Variants in NAV3 observed in about 807,000 individuals in gnomAD.
NAV3 encodes neuron navigator 3, also known as pore membrane and/or filament interacting like protein 1.
NAV3 carries 87 observed loss-of-function variants against 244.7 expected under a neutral mutation model. That is an observed-to-expected ratio of 0.36 (90% CI 0.30 to 0.42). The LOEUF (loss-of-function observed/expected upper bound fraction) is 0.42, where lower values mean the gene tolerates loss of function less well. Ranked by LOEUF, NAV3 falls within the 20% of genes least tolerant of loss-of-function variation. The pLI is 1.00. For synonymous variants in NAV3, 1,126 were observed against 1,042.2 expected (o/e 1.08, Z -1.55); for missense variants, 2,663 against 2,893.3 (o/e 0.92, Z 1.83).
intron 5 of NAV3, among the ~76,000 whole-genome samples, chr12:77,990,685 G>A (rs1871298311): frequency 6.6e-6 from 1 of 152,080 alleles, no homozygotes; most frequent in African/African-American, 2.4e-5. Context: ...ACATCCTTGT[G>A]TTAAAATTTT....
chr12:78,154,273 A>T (rs1957195373), intron 22 of NAV3, among the ~76,000 whole-genome samples: 1 of 79,760 alleles, frequency 1.3e-5, no homozygotes, highest in African/African-American at 4.1e-5. Context: ...TATAGTATAT[A>T]TTACTATATA....
chr12:78,066,841 T>C (rs1474651074), intron 12 of NAV3, among the ~76,000 whole-genome samples: 1 of 152,110 alleles, frequency 6.6e-6, no homozygotes, highest in Non-Finnish European at 1.5e-5. Flanking sequence ...CATGTTTTTA[T>C]GTGACTCTGA....
At chr12:77,709,999 A>G (rs1029341317) in intron 2 of NAV3, among the ~76,000 whole-genome samples, 2 of 152,204 alleles carry the variant, frequency 1.3e-5, no homozygotes, top group African/African-American at 4.8e-5. Flanking sequence ...TGGGTCTAAT[A>G]TGAGCATCAG....
At chr12:77,777,909 G>T (rs962015548) in intron 2 of NAV3, among the ~76,000 whole-genome samples, 3 of 151,508 alleles carry the variant, frequency 2.0e-5, no homozygotes, top group Non-Finnish European at 4.4e-5. Flanking sequence ...AGGTTCAAGC[G>T]ATTCTCCTGC....
intron 1 of NAV3, among the ~76,000 whole-genome samples, chr12:77,912,620 GTTTT>G (rs946464437): frequency 1.3e-5 from 2 of 150,140 alleles, no homozygotes; most frequent in African/African-American, 4.9e-5. Flanking sequence ...TTTTGTGGGG[GTTTT>G]TTGTTTGTTT....
chr12:78,159,763 C>T (rs980332635), intron 23 of NAV3, among the ~76,000 whole-genome samples: 4 of 152,174 alleles, frequency 2.6e-5, no homozygotes, highest in Admixed American at 2.0e-4. Context: ...TCAGTTTACT[C>T]CATATTGGAA....
chr12:77,647,064 A>G (rs1294681721), intron 2 of NAV3, among the ~76,000 whole-genome samples: 2 of 131,584 alleles, frequency 1.5e-5, no homozygotes, highest in Non-Finnish European at 3.2e-5. Context: ...GAACATATAT[A>G]TATACACACA....
intron 2 of NAV3, among the ~76,000 whole-genome samples, chr12:77,638,597 A>C (rs978756440): frequency 6.6e-6 from 1 of 152,246 alleles, no homozygotes. Context: ...TAAGCACCTA[A>C]TCTGAATATT....
chr12:77,855,270 G>A (rs1370352124), intron 1 of NAV3, among the ~76,000 whole-genome samples: 2 of 152,094 alleles, frequency 1.3e-5, no homozygotes, highest in African/African-American at 4.8e-5. Context: ...GTTCGGTATA[G>A]CCTAAATTTC....
chr12:78,061,743 A>G (rs887748376), intron 12 of NAV3, among the ~76,000 whole-genome samples: 11 of 152,096 alleles, frequency 7.2e-5, no homozygotes, highest in Non-Finnish European at 1.6e-4. Flanking sequence ...AAATTTTTCT[A>G]AATTCTGTTA....
intron 2 of NAV3, among the ~76,000 whole-genome samples, chr12:77,734,520 G>C (rs187144392): frequency 1.9e-3 from 286 of 152,176 alleles, no homozygotes; most frequent in African/African-American, 6.5e-3. Flanking sequence ...ATAGAAGTTA[G>C]ACAAATCACA....
intron 2 of NAV3, among the ~76,000 whole-genome samples, chr12:77,745,976 A>G (rs1256314195): frequency 6.8e-6 from 1 of 146,844 alleles, no homozygotes; most frequent in Non-Finnish European, 1.5e-5. Context: ...AAAATTGGTT[A>G]AAGACTTAAG....
intron 10 of NAV3, among the ~76,000 whole-genome samples, 181 bp from the exon 11 acceptor site, chr12:78,050,583 G>A (rs1388126831): frequency 1.3e-5 from 2 of 152,098 alleles, no homozygotes; most frequent in Admixed American, 1.3e-4. Context: ...CAAACGAAAA[G>A]CTATAAAATG....
chr12:77,667,076 C>A (rs696468), intron 2 of NAV3, among the ~76,000 whole-genome samples: 2 of 151,954 alleles, frequency 1.3e-5, no homozygotes, highest in East Asian at 1.9e-4. Context: ...TTATGCAGAA[C>A]GTAAAGTCTG....
intron 3 of NAV3, among the ~76,000 whole-genome samples, chr12:77,945,551 T>C (rs1214066508): frequency 6.6e-6 from 1 of 152,176 alleles, no homozygotes; most frequent in Non-Finnish European, 1.5e-5. Context: ...ATTATTCTGC[T>C]TTTACAACTT....
chr12:78,065,865 A>T (rs1172333825), intron 12 of NAV3, among the ~76,000 whole-genome samples: 1 of 152,174 alleles, frequency 6.6e-6, no homozygotes, highest in Non-Finnish European at 1.5e-5. Flanking sequence ...TTGATCTGGT[A>T]CAGAGAGTGA....
At chr12:77,915,149 G>T (rs1302550981) in intron 1 of NAV3, among the ~76,000 whole-genome samples, 1 of 151,880 alleles carries the variant, frequency 6.6e-6, no homozygotes, top group Admixed American at 6.6e-5. Context: ...TTTACTTCCT[G>T]ACCAGCTGCA....
At chr12:77,574,177 A>G (rs1002405859) in intron 2 of NAV3, among the ~76,000 whole-genome samples, 9 of 152,152 alleles carry the variant, frequency 5.9e-5, no homozygotes, top group African/African-American at 1.9e-4. Flanking sequence ...AATGTTTTCA[A>G]TGAGCAGTAT....
At chr12:77,745,734 G>A (rs1236559650) in intron 2 of NAV3, among the ~76,000 whole-genome samples, 1 of 152,026 alleles carries the variant, frequency 6.6e-6, no homozygotes, top group African/African-American at 2.4e-5. Context: ...AGGCTTGTGA[G>A]CAACAGTGAG....
Sources: gnomAD v4.1 joint callset for allele counts (sites outside exome capture counted in the v4.1 genomes callset) on GRCh38, gnomAD v4.1.1 for gene constraint, MANE v1.5 for transcripts, NCBI Gene and HGNC (gene_info 2026-07-23, HGNC 2026-07-21) for gene names.